KIF17: variants seen among roughly 807,000 people sequenced by gnomAD.
KIF17 encodes kinesin-like protein KIF17.
In KIF17, 80 loss-of-function variants were observed where a neutral mutation model predicts 96.8. The observed-to-expected ratio is 0.83, with a 90% CI of 0.69 to 1.00. KIF17 has a LOEUF of 1.00. Ranked by LOEUF, KIF17 falls within the 50% of genes least tolerant of loss-of-function variation. KIF17 has a pLI of 0.00. For synonymous variants in KIF17, 567 were observed against 587.5 expected (o/e 0.97, Z 0.51); for missense variants, 1,280 against 1,372.9 (o/e 0.93, Z 1.07).
At position 20,680,994 on chromosome 1, in the gene KIF17, C is replaced by T. The variant is rs765279634; in HGVS notation, c.2463+1659G>A. Among the ~76,000 whole-genome samples the T allele has an allele frequency of 1.9e-3, 290 of 150,866 alleles. 5 individuals carry two copies. The highest frequency in any genetic ancestry group is 1.4e-3 in the East Asian group (7 of 4,958). ...CAAAAAAATTAGCTGGGTGTGGTGGCGGGCGCCTGTAGTCCCAGCTACTCG... is the reference window on the plus strand; with the variant it reads ...CAAAAAAATTAGCTGGGTGTGGTGGTGGGCGCCTGTAGTCCCAGCTACTCG... On this transcript the variant is annotated intron_variant, in intron 11 of 14. Coordinates refer to ENST00000400463, the MANE Select transcript of KIF17 (RefSeq NM_001122819.3).
intron 13 of KIF17, among the ~76,000 whole-genome samples, chr1:20,669,276 G>A (rs935656673): frequency 2.0e-5 from 3 of 151,940 alleles, no homozygotes; most frequent in South Asian, 2.1e-4. Flanking sequence ...AGTGGCTCAC[G>A]CCTATAATCC....
chr1:20,674,064 G>T (rs565199721), intron 11 of KIF17, among the ~76,000 whole-genome samples: 49 of 152,030 alleles, frequency 3.2e-4, no homozygotes, highest in Non-Finnish European at 5.9e-4. Flanking sequence ...AAATAGCTGG[G>T]ACTACAGGTG....
chr1:20,704,442 C>T lies in KIF17; in HGVS notation c.1123+5G>A, dbSNP rs1034351687. On this transcript the variant is annotated splice_donor_5th_base_variant and intron_variant, in intron 5 of 14. Transcript: ENST00000400463. This position sits in a 1 kb window ranked among gnomAD's most constrained non-coding sequence, Gnocchi z 6.8. ...CCTCCCGCCACTACCCCAACGTGGT[C>T]CCACCTGACAGGCTGCTGGGGCTCA... 23 of 1,612,754 alleles carry T rather than the reference C, an allele frequency of 1.4e-5. No homozygotes were observed. Among genetic ancestry groups the T allele is most frequent in the Non-Finnish European group, 1.7e-5 (20 of 1,179,346 alleles).
chr1:20,695,094 ACACATG>A (rs2054110731), intron 6 of KIF17, among the ~76,000 whole-genome samples: 1 of 151,924 alleles, frequency 6.6e-6, no homozygotes, highest in Non-Finnish European at 1.5e-5. Flanking sequence ...ACCCTCAGGC[ACACATG>A]CACATGCACG....
chr1:20,697,047 C>T (rs1245560722), intron 6 of KIF17, among the ~76,000 whole-genome samples: 1 of 152,224 alleles, frequency 6.6e-6, no homozygotes, highest in Non-Finnish European at 1.5e-5. Context: ...CCGCCCGTCA[C>T]GTGCAGCGCC....
downstream of KIF17, among the ~76,000 whole-genome samples, chr1:20,662,755 G>C (rs1440407033): frequency 6.6e-6 from 1 of 152,214 alleles, no homozygotes; most frequent in Non-Finnish European, 1.5e-5. Context: ...CATGGAACAG[G>C]AATGGCCCAG....
chr1:20,711,197 G>T (rs2054429287), intron 3 of KIF17, among the ~76,000 whole-genome samples: 1 of 152,176 alleles, frequency 6.6e-6, no homozygotes, highest in Admixed American at 6.5e-5. Context: ...ACGGTTCTGC[G>T]GGTACTCAGT....
At chr1:20,706,888 C>CAAAAA (rs113547608) in intron 4 of KIF17, among the ~76,000 whole-genome samples, 1 of 144,726 alleles carries the variant, frequency 6.9e-6, no homozygotes, top group Non-Finnish European at 1.5e-5. Context: ...AATCCTGTCT[C>CAAAAA]AAAAAAAAAA....
At chr1:20,705,893 C>CTTTTTTTTTTT in intron 4 of KIF17, among the ~76,000 whole-genome samples, 1 of 53,566 alleles carries the variant, frequency 1.9e-5, no homozygotes, top group Non-Finnish European at 3.6e-5. Flanking sequence ...TAGGATGTCT[C>CTTTTTTTTTTT]TTTTTTTTTT....
At chr1:20,681,657 G>A (rs915187043) in intron 11 of KIF17, among the ~76,000 whole-genome samples, 4 of 152,064 alleles carry the variant, frequency 2.6e-5, no homozygotes, top group Non-Finnish European at 5.9e-5. Context: ...GACCCTCACC[G>A]TGGGCAGAAT....
intron 11 of KIF17, among the ~76,000 whole-genome samples, chr1:20,682,195 G>A (rs542064996): frequency 1.4e-3 from 214 of 151,918 alleles, no homozygotes; most frequent in Non-Finnish European, 2.1e-3. Flanking sequence ...ACCCGCATGC[G>A]TGCACACACA....
chr1:20,664,510 C>G lies in KIF17; in HGVS notation c.*74G>C. ...CGCTGTGTGGCAGGTGGGAGGAGAC[C>G]TGGTTGGGGCTGCCCTGGGAGGGCC... is the stretch of plus-strand genomic sequence containing the variant. On this transcript the variant is annotated 3_prime_UTR_variant, in exon 15 of 15. Transcript: ENST00000400463. 1 of 1,611,808 alleles carries G rather than the reference C, an allele frequency of 6.2e-7. No homozygotes were observed. Among genetic ancestry groups the G allele is most frequent in the Non-Finnish European group, 8.5e-7 (1 of 1,179,728 alleles).
Position 20,666,309 on chromosome 1 carries a change from AT to A in KIF17, c.2812del (p.Met938CysfsTer102), listed in dbSNP as rs753047688. 2.0e-5 allele frequency: 32 copies of A among 1,614,022 alleles called. No individual in the cohort carries two copies. The East Asian group carries it at 6.9e-4, about 35-fold the overall frequency. ...PNMEDDRYRL[M>X]LSRSNSENIA... ...GTTTTCACTGTTGCTCCGACTGAGC[AT>A]GAGCCTGTAGCGGTCGTCCTCCTGC... is the stretch of plus-strand genomic sequence containing the variant. On this transcript the variant is annotated frameshift_variant, in exon 14 of 15. Coordinates refer to ENST00000400463, the MANE Select transcript of KIF17 (RefSeq NM_001122819.3). LOFTEE classifies it high-confidence loss of function.
At chr1:20,690,031 C>G (rs370991886) in intron 7 of KIF17, among the ~76,000 whole-genome samples, 157 bp downstream of exon 7, 1 of 152,208 alleles carries the variant, frequency 6.6e-6, no homozygotes, top group Non-Finnish European at 1.5e-5. Context: ...ATCTATATAG[C>G]GAGCATAATT....
intron 6 of KIF17, among the ~76,000 whole-genome samples, chr1:20,696,538 A>G (rs1445093048): frequency 6.6e-6 from 1 of 151,088 alleles, no homozygotes; most frequent in Admixed American, 6.6e-5. Flanking sequence ...GGCAGAAGGC[A>G]CCCCCATCCG....
At chr1:20,698,002 C>T (rs1557598265) in intron 6 of KIF17, among the ~76,000 whole-genome samples, 2 of 152,184 alleles carry the variant, frequency 1.3e-5, no homozygotes, top group African/African-American at 2.4e-5. Context: ...CTGACTGCCT[C>T]GCCTCTGCAC....
At chr1:20,662,285 C>T (rs1425650876), downstream of KIF17, among the ~76,000 whole-genome samples, 2 of 152,160 alleles carry the variant, frequency 1.3e-5, no homozygotes, top group Non-Finnish European at 2.9e-5. Flanking sequence ...CATCTCAGAC[C>T]TGCCTTTGTC....
intron 1 of KIF17, among the ~76,000 whole-genome samples, chr1:20,717,071 G>A (rs2054590005): frequency 6.6e-6 from 1 of 152,214 alleles, no homozygotes. Context: ...CGGACGCGGT[G>A]CCTCATGCCT....
chr1:20,712,847 GATA>G lies in KIF17; in HGVS notation c.480+604_480+606del, dbSNP rs1193193712. ...AGATATTATCTATATTATAGATATA[GATA>G]ATATTATCTATATTATAGATATTAT... On this transcript the variant is annotated intron_variant, in intron 3 of 14. Transcript: ENST00000400463. 4.3e-4 allele frequency among the ~76,000 whole-genome samples: 6 copies of G among 13,826 alleles called. 1 individual carries two copies. The highest frequency in any genetic ancestry group is 7.4e-4 in the Non-Finnish European group (4 of 5,442). 9.1% of individuals were successfully genotyped at this position (13,826 alleles called of 152,430 possible).
Sources: allele counts gnomAD v4.1 joint callset (sites outside exome capture counted in the v4.1 genomes callset), GRCh38; gene constraint gnomAD v4.1.1; non-coding constraint Gnocchi (gnomAD v3.1); transcripts MANE v1.5; gene names NCBI Gene and HGNC (gene_info 2026-07-23, HGNC 2026-07-21).